CAP2: variants seen among roughly 807,000 people sequenced by gnomAD.
CAP2 encodes the protein adenylyl cyclase-associated protein 2.
A neutral mutation model predicts 57.7 loss-of-function variants in CAP2; 24 were observed. The ratio of observed to expected loss-of-function variants is 0.42; its 90% CI spans 0.30 to 0.58. The LOEUF (loss-of-function observed/expected upper bound fraction) is 0.58. Among genes scored for constraint, CAP2 ranks in the 20% least tolerant of loss-of-function variants. The pLI is 0.22. For missense variants in CAP2, 501 were observed against 590.3 expected (o/e 0.85, Z 1.57); for synonymous variants, 194 against 207.2 (o/e 0.94, Z 0.55).
At chr6:17,431,446 A>G (rs1020589449) in intron 3 of CAP2, among the ~76,000 whole-genome samples, 2 of 152,264 alleles carry the variant, frequency 1.3e-5, no homozygotes, top group African/African-American at 4.8e-5. Context: ...CACATGCTGT[A>G]TAATGTTCTG....
At chr6:17,512,547 T>G (rs1302449915) in intron 6 of CAP2, among the ~76,000 whole-genome samples, 1 of 152,230 alleles carries the variant, frequency 6.6e-6, no homozygotes, top group Non-Finnish European at 1.5e-5. Context: ...GCTCTAATAA[T>G]AGCTATGTGT....
intron 1 of CAP2, among the ~76,000 whole-genome samples, chr6:17,400,623 G>T (rs1338301900): frequency 6.6e-6 from 1 of 152,032 alleles, no homozygotes; most frequent in Non-Finnish European, 1.5e-5. Context: ...CAGCACTTTG[G>T]GAGGCTGAGG....
At chr6:17,535,076 G>A (rs1378054837) in intron 7 of CAP2, among the ~76,000 whole-genome samples, 1 of 152,096 alleles carries the variant, frequency 6.6e-6, no homozygotes, top group Non-Finnish European at 1.5e-5. Flanking sequence ...ATCAAGACTG[G>A]TTCCAGAGGT....
chr6:17,539,336 C>G lies in CAP2; in HGVS notation c.704C>G (p.Pro235Arg). Residue 235 changes from proline (P) to arginine (R), a missense_variant, in exon 8 of 13, where the codon CCT becomes CGT. By Grantham distance (103) the Pro-to-Arg change is moderately radical (BLOSUM62 -2). Transcript: ENST00000229922. ...LSSGPGLPPP[P>R]PPLPPPGPPP... The stretch of plus-strand genomic sequence containing the variant: ...TCTGGGCCTGGCCTTCCTCCACCCC[C>G]TCCTCCTCTGCCTCCTCCAGGGCCA... 2 of 1,613,998 alleles carry G rather than the reference C, an allele frequency of 1.2e-6. No individual in the cohort carries two copies. The highest frequency in any genetic ancestry group is 1.7e-6 in the Non-Finnish European group (2 of 1,179,854).
At chr6:17,498,849 C>T (rs1464607774) in intron 4 of CAP2, among the ~76,000 whole-genome samples, 5 of 152,032 alleles carry the variant, frequency 3.3e-5, no homozygotes. Flanking sequence ...CTGCCTCAGC[C>T]TCCTGATTAG....
At chr6:17,445,908 C>T (rs942078380) in intron 3 of CAP2, among the ~76,000 whole-genome samples, 2 of 152,204 alleles carry the variant, frequency 1.3e-5, no homozygotes, top group South Asian at 4.1e-4. Context: ...TATTCACTAA[C>T]GGTTTGTACC....
rs887645229 is a variant in CAP2 at position 17,505,305 on chromosome 6, A to G, written c.301-1864A>G. Among the ~76,000 whole-genome samples, 8 of 152,206 alleles carry G rather than the reference A, an allele frequency of 5.3e-5. No individual in the cohort carries two copies. In the East Asian group the frequency reaches 1.5e-3, roughly 29 times the overall value. ...AGGGTATATAAAGGGGTTTAGAAGG[A>G]GAGGTAAAGTCTAAAAGCTACCGCA... On this transcript the variant is annotated intron_variant, in intron 4 of 12. Transcript: ENST00000229922.
chr6:17,494,133 T>G (rs1761608898), intron 4 of CAP2, among the ~76,000 whole-genome samples: 3 of 152,214 alleles, frequency 2.0e-5, no homozygotes. Flanking sequence ...ATGTCCCTAG[T>G]TCTGCGTTTA....
chr6:17,496,853 G>A (rs563036831), intron 4 of CAP2, among the ~76,000 whole-genome samples: 5 of 152,232 alleles, frequency 3.3e-5, no homozygotes, highest in South Asian at 2.1e-4. Flanking sequence ...TTTCAGCCAC[G>A]TTCTACATAA....
intron 3 of CAP2, among the ~76,000 whole-genome samples, chr6:17,430,373 AATAG>A (rs1759695874): frequency 6.6e-6 from 1 of 152,352 alleles, no homozygotes; most frequent in Admixed American, 6.5e-5. Flanking sequence ...TTTAAAAAAG[AATAG>A]ATAATTTTAT....
At chr6:17,520,687 A>T (rs1184496095) in intron 7 of CAP2, among the ~76,000 whole-genome samples, 2 of 151,880 alleles carry the variant, frequency 1.3e-5, no homozygotes, top group South Asian at 2.1e-4. Context: ...TCAAATTAAA[A>T]CTCAGCCAGA....
intron 7 of CAP2, among the ~76,000 whole-genome samples, chr6:17,533,100 A>AAAAAAAT: frequency 7.1e-6 from 1 of 140,068 alleles, no homozygotes; most frequent in African/African-American, 2.6e-5. Flanking sequence ...AAAAAAAAAG[A>AAAAAAAT]ACTTGGAAGT....
intron 3 of CAP2, among the ~76,000 whole-genome samples, chr6:17,428,480 T>C (rs879507860): frequency 2.6e-5 from 4 of 152,138 alleles, no homozygotes; most frequent in Non-Finnish European, 4.4e-5. Flanking sequence ...GGCAAAACCA[T>C]TTTCAGTATA....
At chr6:17,435,461 C>T (rs1232190109) in intron 3 of CAP2, among the ~76,000 whole-genome samples, 1 of 55,724 alleles carries the variant, frequency 1.8e-5, no homozygotes, top group Admixed American at 2.4e-4. Context: ...TATTCTCACT[C>T]ATAGGTGGGA....
intron 11 of CAP2, among the ~76,000 whole-genome samples, chr6:17,548,934 A>C (rs1473826715): frequency 6.6e-6 from 1 of 152,238 alleles, no homozygotes; most frequent in Non-Finnish European, 1.5e-5. Context: ...AACTTTGATA[A>C]TAACATGTAG....
intron 3 of CAP2, among the ~76,000 whole-genome samples, chr6:17,461,717 G>A (rs1179085336): frequency 6.6e-6 from 1 of 151,356 alleles, no homozygotes; most frequent in Non-Finnish European, 1.5e-5. Flanking sequence ...ACAAGGCCAG[G>A]CGTGGTGGCT....
chr6:17,448,825 G>A (rs61312081), intron 3 of CAP2, among the ~76,000 whole-genome samples: 14 of 151,548 alleles, frequency 9.2e-5, no homozygotes, highest in Admixed American at 3.3e-4. Flanking sequence ...GCAGGGGTGC[G>A]ATCTCAGCTC....
At chr6:17,445,106 C>T (rs1355847796) in intron 3 of CAP2, among the ~76,000 whole-genome samples, 3 of 152,118 alleles carry the variant, frequency 2.0e-5, no homozygotes, top group Admixed American at 6.6e-5. Context: ...AGTATTTTAT[C>T]TTATTATTTA....
At chr6:17,462,572 C>T (rs1760756448) in intron 3 of CAP2, among the ~76,000 whole-genome samples, 2 of 151,936 alleles carry the variant, frequency 1.3e-5, no homozygotes, top group African/African-American at 4.9e-5. Context: ...CCAGCAGCCC[C>T]AGCACCCACT....
Sources: gnomAD v4.1 joint callset for allele counts (sites outside exome capture counted in the v4.1 genomes callset) on GRCh38, gnomAD v4.1.1 for gene constraint, MANE v1.5 for transcripts, NCBI Gene and HGNC (gene_info 2026-07-23, HGNC 2026-07-21) for gene names.